CNTLN: variants seen among roughly 807,000 people sequenced by gnomAD.
CNTLN encodes the protein centlein, centrosomal protein.
A neutral mutation model predicts 180.0 loss-of-function variants in CNTLN; 212 were observed. That is an observed-to-expected ratio of 1.18 (90% confidence interval 1.05 to 1.32). The LOEUF (loss-of-function observed/expected upper bound fraction) is 1.32. CNTLN is among the 40% of genes most tolerant of loss of function. CNTLN has a pLI of 0.00. For synonymous variants in CNTLN, 722 were observed against 563.1 expected (o/e 1.28, Z -3.99); for missense variants, 2,095 against 1,610.9 (o/e 1.30, Z -5.14).
chr9:17,299,015 G>C, intron 7 of CNTLN: 12 of 785,610 alleles, frequency 1.5e-5, no homozygotes, highest in Non-Finnish European at 1.9e-5. Context: ...AGGCTGAGGC[G>C]GGCGAATCAC....
rs191660040 is a variant in CNTLN, at chr9:17,278,862, T to C, written c.983+4996T>C. On this transcript the variant is annotated intron_variant, in intron 6 of 25. Coordinates refer to ENST00000380647, the MANE Select transcript of CNTLN (RefSeq NM_017738.4). Reference sequence around the variant, plus strand: ...ATTTTTCTCAGTCCTGATTTATAAATTGAAGATTGGGTAGACAGATGTTTT... The same window carrying C: ...ATTTTTCTCAGTCCTGATTTATAAACTGAAGATTGGGTAGACAGATGTTTT... Among the ~76,000 whole-genome samples, 5 of 152,268 alleles carry C rather than the reference T, an allele frequency of 3.3e-5. No homozygotes were observed. In the East Asian group the frequency reaches 9.6e-4, roughly 29 times the overall value.
intron 13 of CNTLN, among the ~76,000 whole-genome samples, chr9:17,378,469 G>A (rs775478288): frequency 3.9e-5 from 6 of 152,028 alleles, no homozygotes; most frequent in East Asian, 1.9e-4. Flanking sequence ...GGGAGCCACC[G>A]CACCCGGCCT....
intron 8 of CNTLN, among the ~76,000 whole-genome samples, chr9:17,320,975 C>T (rs1262900047): frequency 6.6e-6 from 1 of 152,158 alleles, no homozygotes; most frequent in East Asian, 1.9e-4. Flanking sequence ...TGAGATTGCC[C>T]ACATTTTGTA....
At chr9:17,319,305 G>A (rs894177917) in intron 8 of CNTLN, among the ~76,000 whole-genome samples, 26 of 152,170 alleles carry the variant, frequency 1.7e-4, no homozygotes, top group Admixed American at 8.5e-4. Flanking sequence ...AATTCAGTAC[G>A]TCTGGGCTGG....
intron 25 of CNTLN, among the ~76,000 whole-genome samples, chr9:17,495,900 A>C (rs554037627): frequency 1.3e-5 from 2 of 152,286 alleles, no homozygotes; most frequent in East Asian, 3.9e-4. Flanking sequence ...ACATTTGCCT[A>C]CAATATGTAG....
intron 6 of CNTLN, among the ~76,000 whole-genome samples, chr9:17,292,625 C>G (rs371953755): frequency 1.3e-5 from 2 of 152,146 alleles, no homozygotes; most frequent in East Asian, 1.9e-4. Flanking sequence ...TTGTGATGTT[C>G]TCAGGTTGTG....
rs549082050 is a variant in CNTLN, at chr9:17,365,099, T to G, written c.1887-1518T>G. On this transcript the variant is annotated intron_variant, in intron 12 of 25. Transcript: ENST00000380647. ...CCATCTGATATGGTTTGGATTTGTG[T>G]CCCTGCCCAAATTTCATGTCGCATT... Among the ~76,000 whole-genome samples the G allele has an allele frequency of 1.3e-5, 2 of 152,318 alleles. 1 individual carries two copies. The highest frequency in any genetic ancestry group is 4.1e-4 in the South Asian group (2 of 4,828).
At chr9:17,428,898 C>T (rs1010210762) in intron 18 of CNTLN, among the ~76,000 whole-genome samples, 1 of 151,648 alleles carries the variant, frequency 6.6e-6, no homozygotes. Context: ...CATTGGATGA[C>T]CTTTGTTATT....
At chr9:17,515,123 A>G in the CNTLN span, among the ~76,000 whole-genome samples, 1 of 152,140 alleles carries the variant, frequency 6.6e-6, no homozygotes, top group Non-Finnish European at 1.5e-5. Context: ...GTCAAATCCT[A>G]TGGCCAGTTT....
chr9:17,464,597 G>A lies in CNTLN; in HGVS notation c.3505G>A (p.Glu1169Lys). The change falls in exon 21 of 26, where the codon GAA becomes AAA. Residue 1169 changes from glutamate to lysine, a missense_variant. Physicochemically the swap from Glu to Lys is moderately conservative, Grantham distance 56 (BLOSUM62 1). Coordinates refer to ENST00000380647, the MANE Select transcript of CNTLN (RefSeq NM_017738.4). ...TTTGGAAAGTAACAAGAGTTTTAGT[G>A]AAATGTTACAAAATCTTGATAAAAA... ...VNLESNKSFS[E>K]MLQNLDKKVK... is the part of the protein sequence containing the mutation. 6.7e-7 allele frequency: 1 copy of A among 1,484,476 alleles called. No individual in the cohort carries two copies. The highest frequency in any genetic ancestry group is 9.0e-7 in the Non-Finnish European group (1 of 1,111,426). The allele number at this position is 1,484,476 out of a possible 1,614,324, so 92.0% of individuals were successfully genotyped here.
At chr9:17,325,402 G>C (rs1419883214) in intron 8 of CNTLN, among the ~76,000 whole-genome samples, 1 of 139,398 alleles carries the variant, frequency 7.2e-6, no homozygotes, top group African/African-American at 2.6e-5. Context: ...GTGTGTGTGT[G>C]TGTGTGTGTG....
chr9:17,302,662 G>A (rs1183031264), intron 7 of CNTLN, among the ~76,000 whole-genome samples: 1 of 152,088 alleles, frequency 6.6e-6, no homozygotes, highest in Non-Finnish European at 1.5e-5. Context: ...TCCCACTTTG[G>A]ATAATGCAAT....
intron 14 of CNTLN, among the ~76,000 whole-genome samples, chr9:17,388,961 TTAAA>T (rs1304138320): frequency 5.3e-5 from 8 of 151,990 alleles, no homozygotes; most frequent in Admixed American, 2.0e-4. Context: ...AAAATAATCT[TTAAA>T]TAGTTTGTTC....
At chr9:17,494,893 T>C in intron 25 of CNTLN, 1 of 380,990 alleles carries the variant, frequency 2.6e-6, no homozygotes, top group South Asian at 2.0e-5. Context: ...TTTTTTTTTT[T>C]TTTTTGGTCA....
the CNTLN span, among the ~76,000 whole-genome samples, chr9:17,518,719 A>G: frequency 3.3e-5 from 5 of 152,234 alleles, no homozygotes; most frequent in South Asian, 1.0e-3. Context: ...TGTAAGTACC[A>G]TGTATCACCT....
intron 8 of CNTLN, among the ~76,000 whole-genome samples, chr9:17,323,038 C>G (rs559014375): frequency 6.6e-6 from 1 of 152,030 alleles, no homozygotes; most frequent in Non-Finnish European, 1.5e-5. Context: ...ATTTTTATGG[C>G]TCAAGTGGTT....
the CNTLN span, among the ~76,000 whole-genome samples, chr9:17,515,531 G>A: frequency 2.6e-5 from 4 of 152,038 alleles, no homozygotes; most frequent in Non-Finnish European, 5.9e-5. Context: ...CATGTCCAGA[G>A]CTGAATTTGT....
At chr9:17,340,094 C>T (rs1447736480) in intron 10 of CNTLN, among the ~76,000 whole-genome samples, 2 of 152,088 alleles carry the variant, frequency 1.3e-5, no homozygotes, top group Non-Finnish European at 2.9e-5. Context: ...GAGTTTGAGA[C>T]TGCAGTGAGC....
At position 17,154,352 on chromosome 9, in the gene CNTLN, C is replaced by T. The variant is rs561218144; in HGVS notation, c.449+10976C>T. Among the ~76,000 whole-genome samples, 3 of 152,254 alleles carry T rather than the reference C, an allele frequency of 2.0e-5. No individual in the cohort carries two copies. The East Asian group carries it at 5.8e-4, about 29-fold the overall frequency. ...TGGATGGGGTCTTTGAGTGGATGTG[C>T]TAATCCTTTCTGTTTGTTTCTTTTC... On this transcript the variant is annotated intron_variant, in intron 2 of 25. Coordinates refer to ENST00000380647, the MANE Select transcript of CNTLN (RefSeq NM_017738.4).
Sources: allele counts gnomAD v4.1 joint callset (sites outside exome capture counted in the v4.1 genomes callset), GRCh38; gene constraint gnomAD v4.1.1; transcripts MANE v1.5; gene names NCBI Gene and HGNC (gene_info 2026-07-23, HGNC 2026-07-21).